Variants in OTOGL observed in about 807,000 individuals in gnomAD.
The protein encoded by OTOGL is otogelin-like protein.
Under a neutral mutation model 318.5 loss-of-function variants are expected in OTOGL, and 285 were observed. The observed-to-expected ratio is 0.89, with a 90% CI of 0.81 to 0.99. The LOEUF (loss-of-function observed/expected upper bound fraction) is 0.99. Ranked by LOEUF, OTOGL falls within the 50% of genes least tolerant of loss-of-function variation. The pLI is 0.00. For missense variants in OTOGL, 2,899 were observed against 2,845.6 expected, an observed-to-expected ratio of 1.02 and a Z score of -0.43; for synonymous variants, 987 against 936.5, an observed-to-expected ratio of 1.05 and a Z score of -0.99.
At chr12:80,351,236 C>T (rs1390589270) in intron 44 of OTOGL, among the ~76,000 whole-genome samples, 2 of 151,058 alleles carry the variant, frequency 1.3e-5, no homozygotes, top group East Asian at 3.9e-4. Flanking sequence ...GGATTTATTT[C>T]TGGGTCTCTG....
At chr12:80,300,203 G>GTT (rs113607695) in intron 27 of OTOGL, among the ~76,000 whole-genome samples, 2 of 143,392 alleles carry the variant, frequency 1.4e-5, no homozygotes, top group Admixed American at 7.0e-5. Flanking sequence ...ATGTGTCGTG[G>GTT]TTTTTTTTTT....
intron 1 of OTOGL, among the ~76,000 whole-genome samples, chr12:80,165,093 C>G (rs961007953): frequency 2.6e-5 from 4 of 152,114 alleles, no homozygotes; most frequent in Non-Finnish European, 4.4e-5. Context: ...AGCGCTTTCT[C>G]CCTGTGTGGG....
chr12:80,308,117 C>T lies in OTOGL; in HGVS notation c.3333+2422C>T, dbSNP rs111701486. ...GGGGCTGACCCCCCCACCTCCCTCC[C>T]GGACGGGGCGGCTGGCCGGGCGGGG... On this transcript the variant is annotated intron_variant, in intron 29 of 58. Transcript: ENST00000547103. 3.2e-3 allele frequency among the ~76,000 whole-genome samples: 468 copies of T among 148,416 alleles called. 1 individual carries two copies. The highest frequency in any genetic ancestry group is 0.011 in the African/African-American group (447 of 39,902).
chr12:80,262,926 A>G (rs910700587), intron 19 of OTOGL, among the ~76,000 whole-genome samples: 1 of 152,060 alleles, frequency 6.6e-6, no homozygotes, highest in Non-Finnish European at 1.5e-5. Flanking sequence ...TACATTACTC[A>G]TATTGGTTGA....
chr12:80,186,790 T>C (rs1875325366), intron 1 of OTOGL, among the ~76,000 whole-genome samples: 1 of 151,532 alleles, frequency 6.6e-6, no homozygotes, highest in Non-Finnish European at 1.5e-5. Flanking sequence ...TAAAAACTGT[T>C]TGAAGTTTTG....
At chr12:80,159,553 A>C (rs2137189042) in intron 1 of OTOGL, among the ~76,000 whole-genome samples, 1 of 152,168 alleles carries the variant, frequency 6.6e-6, no homozygotes, top group Middle Eastern at 3.4e-3. Flanking sequence ...AGGAGGTGAA[A>C]GAACTCTACA....
intron 37 of OTOGL, among the ~76,000 whole-genome samples, chr12:80,329,453 G>A (rs954056658): frequency 3.3e-5 from 5 of 152,104 alleles, no homozygotes; most frequent in Non-Finnish European, 5.9e-5. Flanking sequence ...AGATTCCTTG[G>A]ACTTCCCTCA....
intron 1 of OTOGL, among the ~76,000 whole-genome samples, chr12:80,104,928 C>G (rs1412204977): frequency 6.6e-6 from 1 of 152,038 alleles, no homozygotes; most frequent in East Asian, 1.9e-4. Context: ...AACCCTGTCT[C>G]TACTAAAAAT....
chr12:80,209,630 G>A (rs952661860), intron 2 of OTOGL, 120 bp downstream of exon 2: 1 of 520,490 alleles, frequency 1.9e-6, no homozygotes, highest in Non-Finnish European at 3.2e-6. Context: ...TGTACTAAAT[G>A]ATACTCAGAT....
chr12:80,339,090 ATTG>A lies in OTOGL; in HGVS notation c.4881_4883del (p.Val1628del), dbSNP rs761998095. 265 of 1,607,088 alleles carry A rather than the reference ATTG, an allele frequency of 1.6e-4. No individual in the cohort carries two copies. The highest frequency in any genetic ancestry group is 2.2e-4 in the Non-Finnish European group (255 of 1,174,948). On this transcript the variant is annotated inframe_deletion, in exon 43 of 59. Coordinates refer to ENST00000547103, the MANE Select transcript of OTOGL (RefSeq NM_001378609.3). ...GTTATTCTAGGTAGAAGTGGATTCC[ATTG>A]TTGTGCCTTTGCCCTTTTCAAGTCA...
chr12:80,254,519 T>G lies in OTOGL; in HGVS notation c.1395-5T>G, dbSNP rs1881853066. ...ATAGATTAATATTTTTATAATTTCTTTTAGTGTGTGTGTTGGTGGAGTTTG... is the reference window on the plus strand; with the variant it reads ...ATAGATTAATATTTTTATAATTTCTGTTAGTGTGTGTGTTGGTGGAGTTTG... On this transcript the variant is annotated splice_polypyrimidine_tract_variant and splice_region_variant and intron_variant, in intron 14 of 58. Transcript: ENST00000547103. 3.1e-6 allele frequency: 5 copies of G among 1,602,508 alleles called. No homozygotes were observed. In the East Asian group the frequency reaches 8.9e-5, roughly 29 times the overall value.
At chr12:80,355,134 T>C (rs1209283765) in intron 46 of OTOGL, among the ~76,000 whole-genome samples, 1 of 152,006 alleles carries the variant, frequency 6.6e-6, no homozygotes, top group Admixed American at 6.6e-5. Context: ...TAATAGATCA[T>C]TTCATTTATA....
chr12:80,170,201 GTGTGTGTGTGTGTATGTA>G (rs1427895154), intron 1 of OTOGL, among the ~76,000 whole-genome samples: 1,935 of 118,204 alleles, frequency 0.016, 37 homozygotes, highest in African/African-American at 0.08. Flanking sequence ...GTGTGTGTGT[GTGTGTGTGTGTGTATGTA>G]TGTGTGTGTG....
Position 80,218,317 on chromosome 12 carries a change from T to C in OTOGL, c.235+653T>C, listed in dbSNP as rs867771601. Among the ~76,000 whole-genome samples the C allele has an allele frequency of 2.7e-4, 41 of 152,328 alleles. No homozygotes were observed. The Middle Eastern group carries it at 0.014, about 51-fold the overall frequency. ...TATGGACTAAGTTAAAACAGCATAT[T>C]TTTTCCTCACTGAAGATATAGTTGG... On this transcript the variant is annotated intron_variant, in intron 5 of 58. Coordinates refer to ENST00000547103, the MANE Select transcript of OTOGL (RefSeq NM_001378609.3).
At chr12:80,303,746 G>A (rs1377536367) in intron 28 of OTOGL, among the ~76,000 whole-genome samples, 7 of 152,150 alleles carry the variant, frequency 4.6e-5, no homozygotes, top group East Asian at 1.9e-4. Flanking sequence ...ACCATCAGGT[G>A]TCATGAGAAC....
In OTOGL at chr12:80,239,326, T is replaced by C; in HGVS notation, c.946-7T>C. 2 of 1,584,812 alleles carry C rather than the reference T, an allele frequency of 1.3e-6. No individual in the cohort carries two copies. The highest frequency in any genetic ancestry group is 1.7e-6 in the Non-Finnish European group (2 of 1,159,714). ...TAGTCTAGTGACTGCCATCTTTTTT[T>C]GCACAGGCAATCTTCTTCAAGTGTC... On this transcript the variant is annotated splice_region_variant and splice_polypyrimidine_tract_variant and intron_variant, in intron 10 of 58. Coordinates refer to ENST00000547103, the MANE Select transcript of OTOGL (RefSeq NM_001378609.3).
chr12:80,262,201 A>T, intron 19 of OTOGL, 108 bp downstream of exon 19: 1 of 1,156,772 alleles, frequency 8.6e-7, no homozygotes, highest in Non-Finnish European at 1.1e-6. Flanking sequence ...TTTCTCCATT[A>T]TGGTAAAATC....
intron 26 of OTOGL, among the ~76,000 whole-genome samples, chr12:80,290,082 G>A (rs1346623599): frequency 3.3e-5 from 5 of 152,282 alleles, no homozygotes; most frequent in Admixed American, 1.3e-4. Flanking sequence ...TGAGAAAATC[G>A]TAGTATCTGG....
intron 7 of OTOGL, among the ~76,000 whole-genome samples, chr12:80,226,292 T>C (rs2137376533): frequency 6.6e-6 from 1 of 152,054 alleles, no homozygotes; most frequent in Non-Finnish European, 1.5e-5. Context: ...TTTTATATTA[T>C]TGTCACTATG....
Sources: gnomAD v4.1 joint callset for allele counts (sites outside exome capture counted in the v4.1 genomes callset) on GRCh38, gnomAD v4.1.1 for gene constraint, MANE v1.5 for transcripts, NCBI Gene and HGNC (gene_info 2026-07-23, HGNC 2026-07-21) for gene names.